The following EXOC6 variants were observed in gnomAD, a reference collection of about 807,000 sequenced individuals.
The protein encoded by EXOC6 is exocyst complex component 6, also known as SEC15-like 1.
A neutral mutation model predicts 112.5 loss-of-function variants in EXOC6; 60 were observed. The observed-to-expected ratio is 0.53, with a 90% CI of 0.43 to 0.66. The LOEUF is 0.66. Among genes scored for constraint, EXOC6 ranks in the 30% least tolerant of loss-of-function variants. EXOC6 has a pLI of 0.00. For missense variants in EXOC6, 855 were observed against 957.1 expected (o/e 0.89, Z 1.41); for synonymous variants, 295 against 308.0 (o/e 0.96, Z 0.44).
intron 14 of EXOC6, 38 bp from the exon 15 acceptor site, chr10:92,952,234 TA>T: frequency 7.4e-7 from 1 of 1,359,142 alleles, no homozygotes; most frequent in Non-Finnish European, 1.0e-6. Flanking sequence ...TGTCTTTTTC[TA>T]AAATTTCAAA....
chr10:92,951,748 C>T (rs1008475202), intron 14 of EXOC6, among the ~76,000 whole-genome samples: 2 of 152,068 alleles, frequency 1.3e-5, no homozygotes, highest in African/African-American at 4.8e-5. Flanking sequence ...TGGCTGCATA[C>T]CAGTGTTTAA....
chr10:92,926,805 A>T (rs1445458321), intron 8 of EXOC6, among the ~76,000 whole-genome samples: 1 of 152,146 alleles, frequency 6.6e-6, no homozygotes, highest in Non-Finnish European at 1.5e-5. Context: ...AGTTGCGGGG[A>T]TTAAAGCGTG....
At chr10:92,989,766 C>T (rs1415463904) in intron 18 of EXOC6, among the ~76,000 whole-genome samples, 1 of 152,098 alleles carries the variant, frequency 6.6e-6, no homozygotes, top group East Asian at 1.9e-4. Flanking sequence ...GACCGGCCAT[C>T]CAAAAACTCA....
chr10:92,912,237 T>C (rs1014564236), intron 6 of EXOC6, among the ~76,000 whole-genome samples: 2 of 151,964 alleles, frequency 1.3e-5, no homozygotes, highest in African/African-American at 2.4e-5. Flanking sequence ...CTAAACCCAT[T>C]CTTTTTTTCC....
At chr10:92,909,133 C>T (rs1438715173) in intron 5 of EXOC6, among the ~76,000 whole-genome samples, 1 of 151,978 alleles carries the variant, frequency 6.6e-6, no homozygotes, top group Non-Finnish European at 1.5e-5. Context: ...AACAATGATA[C>T]ATATTCATTT....
intron 19 of EXOC6, chr10:92,999,305 C>A: frequency 2.6e-6 from 1 of 391,180 alleles, no homozygotes; most frequent in Non-Finnish European, 5.0e-6. Flanking sequence ...TCAAGTCATC[C>A]TCCTGCCTTG....
intron 4 of EXOC6, 67 bp downstream of exon 4, chr10:92,895,087 G>A (rs781237039): frequency 1.1e-6 from 1 of 906,802 alleles, no homozygotes; most frequent in Non-Finnish European, 1.8e-6. Flanking sequence ...ATAGCAAGTA[G>A]TGATTCTTTG....
At chr10:93,005,875 A>G (rs913248307) in intron 19 of EXOC6, among the ~76,000 whole-genome samples, 5 of 152,172 alleles carry the variant, frequency 3.3e-5, no homozygotes, top group African/African-American at 1.2e-4. Context: ...TAAAAACTTA[A>G]CCTGCTGGGC....
chr10:93,005,917 T>G (rs377641109), intron 19 of EXOC6, among the ~76,000 whole-genome samples: 30 of 152,288 alleles, frequency 2.0e-4, no homozygotes, highest in African/African-American at 7.2e-4. Flanking sequence ...CCCAGCACTT[T>G]GGGAGGCCAC....
intron 13 of EXOC6, 173 bp from the exon 14 acceptor site, chr10:92,948,101 T>G: frequency 2.0e-6 from 1 of 497,432 alleles, no homozygotes; most frequent in East Asian, 3.5e-5. Flanking sequence ...ACAAGACCTA[T>G]TTGTTGTTGA....
At position 92,990,847 on chromosome 10, in the gene EXOC6, G is replaced by A. The variant is rs1012062531; in HGVS notation, c.1954-6627G>A. Among the ~76,000 whole-genome samples, 10 of 152,010 alleles carry A rather than the reference G, an allele frequency of 6.6e-5. No homozygotes were observed. The East Asian group carries it at 1.2e-3, about 18-fold the overall frequency. On this transcript the variant is annotated intron_variant, in intron 18 of 21. Transcript: ENST00000260762. The stretch of plus-strand genomic sequence containing the variant: ...GTCATTTTTTCCCCCATCATAACCC[G>A]TTTCACAGAACATGTTATTCAAATG...
intron 20 of EXOC6, among the ~76,000 whole-genome samples, chr10:93,049,893 C>T (rs1826896179): frequency 6.6e-6 from 1 of 152,126 alleles, no homozygotes; most frequent in South Asian, 2.1e-4. Flanking sequence ...ATTTGATTCC[C>T]ATTTGGGGAG....
At chr10:92,992,867 A>G (rs1329160933) in intron 18 of EXOC6, among the ~76,000 whole-genome samples, 1 of 151,748 alleles carries the variant, frequency 6.6e-6, no homozygotes. Context: ...TAAAATACAC[A>G]TACTGAAATG....
chr10:93,009,880 A>G (rs1298082364), intron 19 of EXOC6, among the ~76,000 whole-genome samples: 7 of 152,240 alleles, frequency 4.6e-5, no homozygotes, highest in African/African-American at 1.7e-4. Flanking sequence ...ATGGGGAACT[A>G]TTGAAGGATG....
chr10:92,919,279 T>A (rs911797210), intron 7 of EXOC6, among the ~76,000 whole-genome samples: 3 of 151,472 alleles, frequency 2.0e-5, no homozygotes, highest in Non-Finnish European at 2.9e-5. Flanking sequence ...TACATTTTGT[T>A]TTTATCATTT....
Position 93,000,002 on chromosome 10 carries a change from C to T in EXOC6, c.2095+2387C>T, listed in dbSNP as rs1442244201. Among the ~76,000 whole-genome samples, 4 of 152,096 alleles carry T rather than the reference C, an allele frequency of 2.6e-5. No individual in the cohort carries two copies. The East Asian group carries it at 7.7e-4, about 29-fold the overall frequency. ...TACAGGCATGAACCACCGTGCCTAG[C>T]CCTGTGCCTAATTTTTAAGTTAAGC... On this transcript the variant is annotated intron_variant, in intron 19 of 21. Coordinates refer to ENST00000260762, the MANE Select transcript of EXOC6 (RefSeq NM_019053.6).
Position 92,915,823 on chromosome 10 carries a change from T to A in EXOC6, c.729T>A (p.Asn243Lys). 6.5e-7 allele frequency: 1 copy of A among 1,535,052 alleles called. No individual in the cohort carries two copies. Residue 243 changes from asparagine to lysine, a missense_variant, in exon 7 of 22, where the codon AAT becomes AAA. By Grantham distance (94) the Asn-to-Lys change is moderately conservative. Around this residue, in one of 2 missense-constraint regions of EXOC6, gnomAD observed 405 missense variants for 393.6 expected, o/e 1.03. Coordinates refer to ENST00000260762, the MANE Select transcript of EXOC6 (RefSeq NM_019053.6). ...QKQNKMKFGKNMYINRDRIPE... is the reference protein window; with the variant it reads ...QKQNKMKFGKKMYINRDRIPE... ...AAAATAAAATGAAATTTGGGAAAAA[T>A]ATGTATATAAATCGTGATAGAATTC...
At chr10:92,873,976 C>T (rs902669652) in intron 1 of EXOC6, among the ~76,000 whole-genome samples, 9 of 151,110 alleles carry the variant, frequency 6.0e-5, no homozygotes, top group African/African-American at 7.3e-5. Flanking sequence ...TTGCTTGAAC[C>T]GGGGAGGCAG....
Position 93,058,361 on chromosome 10 carries a change from A to T in EXOC6, c.*6A>T, listed in dbSNP as rs979410606. The T allele has an allele frequency of 5.6e-6, 9 of 1,593,568 alleles. No homozygotes were observed. The African/African-American group carries it at 6.8e-5, about 12-fold the overall frequency. On this transcript the variant is annotated 3_prime_UTR_variant, in exon 22 of 22. Coordinates refer to ENST00000260762, the MANE Select transcript of EXOC6 (RefSeq NM_019053.6). ...GTATGTCCCAGCACATGTAGACCTCACATGGCTTGCACTCAGTGACACCAA... is the reference window on the plus strand; with the variant it reads ...GTATGTCCCAGCACATGTAGACCTCTCATGGCTTGCACTCAGTGACACCAA...
Sources: allele counts gnomAD v4.1 joint callset (sites outside exome capture counted in the v4.1 genomes callset), GRCh38; gene constraint gnomAD v4.1.1; regional missense constraint gnomAD v4.1.1; transcripts MANE v1.5; gene names NCBI Gene and HGNC (gene_info 2026-07-23, HGNC 2026-07-21).